NKAIN2: variants seen among roughly 807,000 people sequenced by gnomAD.
NKAIN2 encodes sodium/potassium transporting ATPase interacting 2, also known as sodium/potassium-transporting ATPase subunit beta-1-interacting protein 2.
A neutral mutation model predicts 32.6 loss-of-function variants in NKAIN2; 14 were observed. The ratio of observed to expected loss-of-function variants is 0.43; its 90% confidence interval spans 0.28 to 0.67. The LOEUF (loss-of-function observed/expected upper bound fraction) is 0.67, where lower values mean the gene tolerates loss of function less well. NKAIN2 is among the 30% of genes least tolerant of loss of function. NKAIN2 has a pLI of 0.17. For missense variants in NKAIN2, 198 were observed against 258.3 expected (o/e 0.77, Z 1.60); for synonymous variants, 80 against 87.2 (o/e 0.92, Z 0.46).
At position 124,384,919 on chromosome 6, in the gene NKAIN2, G is replaced by A. The variant is rs117144441; in HGVS notation, c.273+29572G>A. Among the ~76,000 whole-genome samples the A allele has an allele frequency of 7.6e-3, 1,150 of 152,226 alleles. 15 individuals are homozygous for A. Among genetic ancestry groups the A allele is most frequent in the Non-Finnish European group, 9.2e-3 (629 of 68,006 alleles). Reference sequence around the variant, plus strand: ...ATTAAAGGCTTGAGCCACTCTGCCCGTCTCTTTTACTCACTTTTTAAATTA... The same window carrying A: ...ATTAAAGGCTTGAGCCACTCTGCCCATCTCTTTTACTCACTTTTTAAATTA... On this transcript the variant is annotated intron_variant, in intron 3 of 6. Coordinates refer to ENST00000368417, the MANE Select transcript of NKAIN2 (RefSeq NM_001040214.3).
At chr6:124,421,556 C>T (rs1774751205) in intron 3 of NKAIN2, among the ~76,000 whole-genome samples, 1 of 152,116 alleles carries the variant, frequency 6.6e-6, no homozygotes, top group Non-Finnish European at 1.5e-5. Context: ...ATAGGTTCTA[C>T]AGTAAATAAG....
At chr6:124,664,127 T>G (rs545604944) in intron 4 of NKAIN2, among the ~76,000 whole-genome samples, 69 of 151,882 alleles carry the variant, frequency 4.5e-4, no homozygotes, top group African/African-American at 1.6e-3. Flanking sequence ...ATACAAAAAT[T>G]TGCTGGACAT....
At chr6:124,791,318 A>G in intron 4 of NKAIN2, 21 bp from the exon 5 acceptor site, 1 of 1,600,070 alleles carries the variant, frequency 6.2e-7, no homozygotes, top group Non-Finnish European at 8.6e-7. Flanking sequence ...TGATGTCTAA[A>G]GCATCTCTGT....
In NKAIN2 at chr6:124,627,879, C is replaced by T. The variant is rs115249859; in HGVS notation, c.274-30307C>T. The stretch of plus-strand genomic sequence containing the variant: ...AGTCAGTCACACTCACATGCATTCA[C>T]AGGTTCACACACATTCACATACTCA... On this transcript the variant is annotated intron_variant, in intron 3 of 6. Coordinates refer to ENST00000368417, the MANE Select transcript of NKAIN2 (RefSeq NM_001040214.3). Among the ~76,000 whole-genome samples, 398 of 152,316 alleles carry T rather than the reference C, an allele frequency of 2.6e-3. 2 individuals are homozygous for T. Among genetic ancestry groups the T allele is most frequent in the African/African-American group, 8.9e-3 (369 of 41,570 alleles).
chr6:124,133,424 C>A (rs987814145), intron 1 of NKAIN2, among the ~76,000 whole-genome samples: 2 of 152,082 alleles, frequency 1.3e-5, no homozygotes, highest in Non-Finnish European at 2.9e-5. Flanking sequence ...TCTGATAGAA[C>A]CTCAGCACAT....
At chr6:123,912,614 A>G (rs908120073) in intron 1 of NKAIN2, among the ~76,000 whole-genome samples, 3 of 152,150 alleles carry the variant, frequency 2.0e-5, no homozygotes, top group Non-Finnish European at 4.4e-5. Flanking sequence ...AATCAGAAAA[A>G]GAATCTGGCA....
chr6:124,773,335 G>A (rs866231914), intron 4 of NKAIN2, among the ~76,000 whole-genome samples: 2 of 149,198 alleles, frequency 1.3e-5, no homozygotes, highest in African/African-American at 5.0e-5. Flanking sequence ...TGCGAGTGGT[G>A]GGGGGGTCAC....
intron 1 of NKAIN2, among the ~76,000 whole-genome samples, chr6:123,900,911 T>C (rs182169718): frequency 2.0e-5 from 3 of 152,234 alleles, no homozygotes; most frequent in Non-Finnish European, 4.4e-5. Context: ...AGATGGGATA[T>C]ATTTACAGTG....
intron 1 of NKAIN2, among the ~76,000 whole-genome samples, chr6:124,052,390 CAT>C (rs1782452440): frequency 6.6e-6 from 1 of 152,010 alleles, no homozygotes; most frequent in Non-Finnish European, 1.5e-5. Flanking sequence ...GATCTTACGA[CAT>C]GTTTTATGTT....
intron 3 of NKAIN2, among the ~76,000 whole-genome samples, chr6:124,376,402 T>C (rs570550101): frequency 1.3e-5 from 2 of 152,264 alleles, no homozygotes; most frequent in East Asian, 3.9e-4. Flanking sequence ...AAGATGTTTT[T>C]ATAAAAAGTT....
At chr6:124,700,871 GACAC>G (rs143125409) in intron 4 of NKAIN2, among the ~76,000 whole-genome samples, 102 of 145,454 alleles carry the variant, frequency 7.0e-4, no homozygotes, top group African/African-American at 1.6e-3. Flanking sequence ...TCTCTTTCCT[GACAC>G]ACACACACAC....
At chr6:124,339,992 A>T (rs1054503109) in intron 2 of NKAIN2, among the ~76,000 whole-genome samples, 2 of 152,186 alleles carry the variant, frequency 1.3e-5, no homozygotes, top group African/African-American at 4.8e-5. Flanking sequence ...AACCAGAGAC[A>T]ATTTTATTTT....
intron 1 of NKAIN2, among the ~76,000 whole-genome samples, chr6:123,900,350 G>T (rs1418049220): frequency 6.6e-6 from 1 of 151,782 alleles, no homozygotes; most frequent in African/African-American, 2.4e-5. Context: ...GCACGTGCCT[G>T]TAGTCCCAGC....
chr6:124,430,187 A>C (rs957084743), intron 3 of NKAIN2, among the ~76,000 whole-genome samples: 1 of 152,236 alleles, frequency 6.6e-6, no homozygotes, highest in African/African-American at 2.4e-5. Context: ...TTTTCTGTCA[A>C]CTAAAAAAAT....
intron 3 of NKAIN2, among the ~76,000 whole-genome samples, chr6:124,488,645 G>T (rs1485664284): frequency 2.6e-5 from 4 of 151,992 alleles, no homozygotes; most frequent in African/African-American, 9.7e-5. Context: ...TATGCCATTT[G>T]ATTTGCTTCC....
intron 3 of NKAIN2, among the ~76,000 whole-genome samples, chr6:124,596,663 G>GGTGTGTGTGTGT (rs9321001): frequency 3.1e-4 from 44 of 142,600 alleles, no homozygotes; most frequent in African/African-American, 1.1e-3. Context: ...TAAACCATAG[G>GGTGTGTGTGTGT]GTGTGTGTGT....
intron 3 of NKAIN2, among the ~76,000 whole-genome samples, chr6:124,633,278 C>T (rs1224134616): frequency 6.6e-6 from 1 of 152,082 alleles, no homozygotes; most frequent in East Asian, 1.9e-4. Context: ...ATAATCTCTA[C>T]CTCCTAATTT....
chr6:124,266,374 C>A (rs1430090622), intron 1 of NKAIN2, among the ~76,000 whole-genome samples: 1 of 152,110 alleles, frequency 6.6e-6, no homozygotes, highest in Non-Finnish European at 1.5e-5. Flanking sequence ...ACTTCTTGAG[C>A]TCAACTGATC....
intron 3 of NKAIN2, among the ~76,000 whole-genome samples, chr6:124,488,061 G>A (rs917298399): frequency 6.6e-6 from 1 of 152,014 alleles, no homozygotes; most frequent in Non-Finnish European, 1.5e-5. Flanking sequence ...CATATATAGT[G>A]CATTGTGCAT....
Sources: gnomAD v4.1 joint callset for allele counts (sites outside exome capture counted in the v4.1 genomes callset) on GRCh38, gnomAD v4.1.1 for gene constraint, MANE v1.5 for transcripts, NCBI Gene and HGNC (gene_info 2026-07-23, HGNC 2026-07-21) for gene names.